The following CYP2C19 variants were observed in gnomAD, a reference collection of about 807,000 sequenced individuals.
CYP2C19 encodes the protein cytochrome P450 family 2 subfamily C member 19.
CYP2C19 carries 59 observed loss-of-function variants against 40.9 expected under a neutral mutation model. That is an observed-to-expected ratio of 1.44 (90% CI 1.17 to 1.79). The LOEUF is 1.79. Among genes scored for constraint, CYP2C19 ranks in the 40% most tolerant of loss-of-function variants. The pLI is 0.00. For missense variants in CYP2C19, 754 were observed against 596.9 expected, an observed-to-expected ratio of 1.26 and a Z score of -2.74; for synonymous variants, 253 against 208.7, an observed-to-expected ratio of 1.21 and a Z score of -1.83.
chr10:94,781,962 G>A lies in CYP2C19; in HGVS notation c.784G>A (p.Asp262Asn), dbSNP rs577255883. ...ATCGATGGACATCAACAACCCTCGG[G>A]ACTTTATTGATTGCTTCCTGATCAA... ...QESMDINNPR[D>N]FIDCFLIKME... is the part of the protein sequence containing the mutation. The change falls in exon 5 of 9, where the codon GAC becomes AAC. Residue 262 changes from aspartate (D) to asparagine (N), a missense_variant. Physicochemically the swap from Asp to Asn is conservative, Grantham distance 23. Coordinates refer to ENST00000371321, the MANE Select transcript of CYP2C19 (RefSeq NM_000769.4). 560 of 1,533,348 alleles carry A rather than the reference G, an allele frequency of 3.7e-4. 7 individuals carry two copies. The South Asian group carries it at 6.5e-3, about 18-fold the overall frequency. 95.0% of individuals were successfully genotyped at this position (1,533,348 alleles called of 1,614,324 possible).
At chr10:94,788,590 C>T (rs559506501) in intron 5 of CYP2C19, among the ~76,000 whole-genome samples, 2 of 152,198 alleles carry the variant, frequency 1.3e-5, no homozygotes, top group South Asian at 4.1e-4. Context: ...TGAGTGAGAA[C>T]ACACAGTGTT....
chr10:94,788,702 T>A (rs772089120), intron 5 of CYP2C19, among the ~76,000 whole-genome samples: 25 of 152,316 alleles, frequency 1.6e-4, no homozygotes, highest in Admixed American at 6.5e-4. Flanking sequence ...GGCTACATAG[T>A]ATTCCATGAT....
At chr10:94,851,514 T>C (rs1213223014) in intron 8 of CYP2C19, among the ~76,000 whole-genome samples, 1 of 151,960 alleles carries the variant, frequency 6.6e-6, no homozygotes, top group East Asian at 1.9e-4. Flanking sequence ...ATTATGATTC[T>C]AGGTGACACA....
At chr10:94,824,961 C>G (rs1020467231) in intron 6 of CYP2C19, among the ~76,000 whole-genome samples, 9 of 146,548 alleles carry the variant, frequency 6.1e-5, no homozygotes, top group Non-Finnish European at 1.1e-4. Flanking sequence ...CCAATTTCAT[C>G]CATGTCCCTA....
chr10:94,834,857 TAGTC>T (rs1185128789), intron 6 of CYP2C19, among the ~76,000 whole-genome samples: 4 of 152,198 alleles, frequency 2.6e-5, no homozygotes, highest in African/African-American at 9.6e-5. Flanking sequence ...TAGGGATTCT[TAGTC>T]AGCTAGGAAA....
intron 6 of CYP2C19, among the ~76,000 whole-genome samples, chr10:94,839,987 T>C (rs1849467446): frequency 6.6e-6 from 1 of 152,074 alleles, no homozygotes; most frequent in African/African-American, 2.4e-5. Flanking sequence ...TTTGCTTTTT[T>C]TTATTTTTTT....
At chr10:94,816,502 C>T (rs1849004810) in intron 5 of CYP2C19, among the ~76,000 whole-genome samples, 1 of 151,654 alleles carries the variant, frequency 6.6e-6, no homozygotes, top group Non-Finnish European at 1.5e-5. Flanking sequence ...TTTAAATTCT[C>T]TTTTGTTTAA....
chr10:94,853,238 C>A lies in CYP2C19; in HGVS notation c.*324C>A. ...GCATTTCTTCTCTGCATGTTCTAAA[C>A]AAAAAGCATTATTATTTGCTGAGTC... is the stretch of plus-strand genomic sequence containing the variant. On this transcript the variant is annotated 3_prime_UTR_variant, in exon 9 of 9. Transcript: ENST00000371321. 1 of 373,756 alleles carries A rather than the reference C, an allele frequency of 2.7e-6. No homozygotes were observed. Among genetic ancestry groups the A allele is most frequent in the South Asian group, 2.5e-5 (1 of 40,306 alleles). The allele number at this position is 373,756 out of a possible 1,614,324, so 23.2% of individuals were successfully genotyped here.
intron 7 of CYP2C19, among the ~76,000 whole-genome samples, chr10:94,846,032 T>C (rs1849568548): frequency 6.6e-6 from 1 of 152,178 alleles, no homozygotes; most frequent in African/African-American, 2.4e-5. Context: ...ATTCATAGTA[T>C]GGAGTTATTG....
intron 6 of CYP2C19, among the ~76,000 whole-genome samples, chr10:94,823,363 A>T (rs541613986): frequency 3.3e-5 from 5 of 152,160 alleles, no homozygotes; most frequent in Non-Finnish European, 7.4e-5. Context: ...AGTGCCAGAA[A>T]AGACATGAGG....
chr10:94,811,638 C>G (rs540871827), intron 5 of CYP2C19, among the ~76,000 whole-genome samples: 1 of 151,332 alleles, frequency 6.6e-6, no homozygotes, highest in Admixed American at 6.6e-5. Flanking sequence ...TTATATGATA[C>G]CACCCCTTTT....
At chr10:94,793,201 C>A (rs958040045) in intron 5 of CYP2C19, among the ~76,000 whole-genome samples, 2 of 152,080 alleles carry the variant, frequency 1.3e-5, no homozygotes, top group African/African-American at 4.8e-5. Context: ...GTTTTCAGTT[C>A]CATCAGGTCA....
chr10:94,781,976 C>A lies in CYP2C19; in HGVS notation c.798C>A (p.Cys266Ter). 1 of 1,535,324 alleles carries A rather than the reference C, an allele frequency of 6.5e-7. No homozygotes were observed. The highest frequency in any genetic ancestry group is 8.7e-7 in the Non-Finnish European group (1 of 1,149,854). The change falls in exon 5 of 9, where the codon TGC becomes TGA. Residue 266 changes from cysteine to a stop codon, truncating the protein, a stop_gained. Transcript: ENST00000371321. LOFTEE classifies it high-confidence loss of function. ...ACAACCCTCGGGACTTTATTGATTG[C>A]TTCCTGATCAAAATGGAGAAGGTAA... The part of the protein sequence containing the change: ...DINNPRDFID[C>*]FLIKMEKEKQ...
chr10:94,779,440 A>G (rs1247023460), intron 3 of CYP2C19, among the ~76,000 whole-genome samples: 1 of 152,162 alleles, frequency 6.6e-6, no homozygotes, highest in African/African-American at 2.4e-5. Context: ...AATAAGTTAA[A>G]TTTGAAGGAT....
At position 94,800,747 on chromosome 10, in the gene CYP2C19, G is replaced by C. The variant is rs563671469; in HGVS notation, c.819+18750G>C. Among the ~76,000 whole-genome samples the C allele has an allele frequency of 3.3e-5, 5 of 152,268 alleles. No individual in the cohort carries two copies. In the South Asian group the frequency reaches 8.3e-4, roughly 25 times the overall value. On this transcript the variant is annotated intron_variant, in intron 5 of 8. Transcript: ENST00000371321. Reference sequence around the variant, plus strand: ...ATGGTGGATGCCCCTTCCCCCACCTGGCTGCAGCCGCGCAAGTTGATCTTA... The same window carrying C: ...ATGGTGGATGCCCCTTCCCCCACCTCGCTGCAGCCGCGCAAGTTGATCTTA...
chr10:94,827,172 C>T (rs528818532), intron 6 of CYP2C19, among the ~76,000 whole-genome samples: 2 of 151,652 alleles, frequency 1.3e-5, no homozygotes, highest in East Asian at 3.9e-4. Context: ...TGATGCTGGC[C>T]TCATAAAATG....
chr10:94,838,545 G>A (rs897019116), intron 6 of CYP2C19, among the ~76,000 whole-genome samples: 2 of 152,074 alleles, frequency 1.3e-5, no homozygotes, highest in South Asian at 2.1e-4. Flanking sequence ...TGGCTGGGCC[G>A]AATTCTCCTC....
intron 6 of CYP2C19, among the ~76,000 whole-genome samples, chr10:94,828,731 G>A (rs934204812): frequency 4.6e-5 from 7 of 151,790 alleles, no homozygotes; most frequent in Non-Finnish European, 7.4e-5. Flanking sequence ...TATTTTGCTC[G>A]TTAGTTGATG....
At chr10:94,820,787 T>A in intron 6 of CYP2C19, 150 bp downstream of exon 6, 1 of 1,023,578 alleles carries the variant, frequency 9.8e-7, no homozygotes, top group Non-Finnish European at 1.4e-6. Context: ...ATGGTGTGAT[T>A]AAAATGGAAT....
Sources: allele counts gnomAD v4.1 joint callset (sites outside exome capture counted in the v4.1 genomes callset), GRCh38; gene constraint gnomAD v4.1.1; transcripts MANE v1.5; gene names NCBI Gene and HGNC (gene_info 2026-07-23, HGNC 2026-07-21).